Variants in PTBP3 observed in about 807,000 individuals in gnomAD.
PTBP3 encodes polypyrimidine tract-binding protein 3.
Under a neutral mutation model 58.7 loss-of-function variants are expected in PTBP3, and 20 were observed. That is an observed-to-expected ratio of 0.34 (90% CI 0.24 to 0.50). PTBP3 has a LOEUF of 0.50. Ranked by LOEUF, PTBP3 falls within the 20% of genes least tolerant of loss-of-function variation. The probability of loss-of-function intolerance (pLI) is 0.98; values close to 1 mark genes in which losing one functional copy is unlikely to be tolerated. For synonymous variants in PTBP3, 185 were observed against 219.8 expected (o/e 0.84, Z 1.40); for missense variants, 509 against 637.2 (o/e 0.80, Z 2.17).
the PTBP3 span, among the ~76,000 whole-genome samples, chr9:112,340,893 T>C: frequency 1.6e-4 from 12 of 73,634 alleles, no homozygotes; most frequent in Non-Finnish European, 3.4e-4. Flanking sequence ...AAAAAATAAA[T>C]AAAATAAAAT....
intron 1 of PTBP3, among the ~76,000 whole-genome samples, chr9:112,311,619 G>GC (rs372589206): frequency 4.6e-5 from 7 of 151,964 alleles, no homozygotes; most frequent in South Asian, 2.1e-4. Context: ...ATGGATTTTG[G>GC]CCCCCCCTAG....
chr9:112,224,980 G>A (rs1319117417), intron 12 of PTBP3, among the ~76,000 whole-genome samples: 1 of 152,134 alleles, frequency 6.6e-6, no homozygotes, highest in Non-Finnish European at 1.5e-5. Flanking sequence ...GCCTTGCATC[G>A]TGATTACAAC....
rs893546303 is a variant in PTBP3, at chr9:112,259,929, C to T, written c.516+2506G>A. Among the ~76,000 whole-genome samples the T allele has an allele frequency of 3.3e-5, 5 of 152,260 alleles. No individual in the cohort carries two copies. The East Asian group carries it at 9.6e-4, about 29-fold the overall frequency. The stretch of plus-strand genomic sequence containing the variant: ...TAGCATTTGATCATTAGAGCTAATA[C>T]TTCTTGGGCACTTAGATGGAGTCTT... On this transcript the variant is annotated intron_variant, in intron 5 of 13. Coordinates refer to ENST00000374257, the MANE Select transcript of PTBP3 (RefSeq NM_001163788.4).
chr9:112,367,042 T>C, the PTBP3 span, among the ~76,000 whole-genome samples: 2 of 152,230 alleles, frequency 1.3e-5, no homozygotes, highest in Non-Finnish European at 2.9e-5. Context: ...GTGGTTACCA[T>C]GAGCCTAACA....
chr9:112,269,558 T>C (rs1827279347), intron 3 of PTBP3, among the ~76,000 whole-genome samples: 2 of 152,204 alleles, frequency 1.3e-5, no homozygotes. Context: ...TTAAAATCTA[T>C]GCCTGGCTAT....
intron 7 of PTBP3, among the ~76,000 whole-genome samples, chr9:112,247,584 G>A (rs1564403257): frequency 6.6e-6 from 1 of 151,518 alleles, no homozygotes; most frequent in Non-Finnish European, 1.5e-5. Context: ...CAGATTTAGT[G>A]TTGTTCACCT....
chr9:112,277,886 C>A (rs1589856036), intron 2 of PTBP3, among the ~76,000 whole-genome samples: 4 of 26,962 alleles, frequency 1.5e-4, no homozygotes, highest in East Asian at 7.5e-4. Flanking sequence ...AATAACGTAA[C>A]ATAACATAAC....
Position 112,250,861 on chromosome 9 carries a change from C to A in PTBP3, c.802+68G>T, listed in dbSNP as rs184033488. On this transcript the variant is annotated intron_variant, in intron 7 of 13. Coordinates refer to ENST00000374257, the MANE Select transcript of PTBP3 (RefSeq NM_001163788.4). Reference sequence around the variant, plus strand: ...GAGAAGAAAAAGGCTTATAAACATACATGGCTTAATAAATGAAACTTGTAA... The same window carrying A: ...GAGAAGAAAAAGGCTTATAAACATAAATGGCTTAATAAATGAAACTTGTAA... The A allele has an allele frequency of 3.6e-5, 50 of 1,385,800 alleles. No individual in the cohort carries two copies. In the African/African-American group the frequency reaches 7.1e-4, roughly 20 times the overall value. The allele number at this position is 1,385,800 out of a possible 1,614,324, so 85.8% of individuals were successfully genotyped here.
At chr9:112,308,797 C>A (rs1473992549) in intron 1 of PTBP3, among the ~76,000 whole-genome samples, 1 of 151,962 alleles carries the variant, frequency 6.6e-6, no homozygotes, top group Non-Finnish European at 1.5e-5. Context: ...AAACACACAG[C>A]AAATTTACAT....
chr9:112,260,342 G>A (rs1836543117), intron 5 of PTBP3, among the ~76,000 whole-genome samples: 1 of 152,208 alleles, frequency 6.6e-6, no homozygotes, highest in Admixed American at 6.5e-5. Context: ...AAAAATAGAA[G>A]GGGTAAGTTA....
At chr9:112,324,863 CAT>C (rs1166433589) in intron 1 of PTBP3, among the ~76,000 whole-genome samples, 4 of 152,096 alleles carry the variant, frequency 2.6e-5, no homozygotes, top group Admixed American at 1.3e-4. Flanking sequence ...TTGGCTGACA[CAT>C]GAGGCAAATG....
chr9:112,293,959 G>A (rs768682791), intron 2 of PTBP3, among the ~76,000 whole-genome samples: 10 of 152,200 alleles, frequency 6.6e-5, no homozygotes, highest in Non-Finnish European at 1.2e-4. Context: ...TTTTAGGTCT[G>A]TATTACGGTT....
intron 7 of PTBP3, among the ~76,000 whole-genome samples, chr9:112,246,415 A>T (rs1835877810): frequency 6.6e-6 from 1 of 152,036 alleles, no homozygotes; most frequent in Admixed American, 6.6e-5. Context: ...AAAAGGTAGG[A>T]CAGGCGCGGT....
intron 8 of PTBP3, among the ~76,000 whole-genome samples, chr9:112,233,139 T>C (rs1298267365): frequency 2.6e-5 from 4 of 152,078 alleles, no homozygotes; most frequent in African/African-American, 9.7e-5. Flanking sequence ...GGCTGAATAC[T>C]ACTGCACGAA....
chr9:112,276,524 T>A (rs1382203800), intron 2 of PTBP3, among the ~76,000 whole-genome samples: 1 of 152,104 alleles, frequency 6.6e-6, no homozygotes, highest in Admixed American at 6.5e-5. Context: ...ATAGTCTTTA[T>A]TTTTTAGAAG....
At chr9:112,326,025 C>CAAAG (rs1830143287) in intron 1 of PTBP3, among the ~76,000 whole-genome samples, 1 of 151,538 alleles carries the variant, frequency 6.6e-6, no homozygotes, top group Admixed American at 6.6e-5. Context: ...CTCAAACAAA[C>CAAAG]AAAACAGGTA....
At chr9:112,264,297 T>C (rs1357548877) in intron 4 of PTBP3, among the ~76,000 whole-genome samples, 3 of 152,224 alleles carry the variant, frequency 2.0e-5, no homozygotes, top group African/African-American at 7.2e-5. Flanking sequence ...AATCCTTCTA[T>C]GGTCATCTCA....
At chr9:112,314,831 CA>C (rs1293858546) in intron 1 of PTBP3, among the ~76,000 whole-genome samples, 3 of 150,150 alleles carry the variant, frequency 2.0e-5, no homozygotes, top group African/African-American at 7.4e-5. Flanking sequence ...GTCCCACTGA[CA>C]TTTTTTTTTT....
chr9:112,353,558 T>A, the PTBP3 span, among the ~76,000 whole-genome samples: 1 of 152,070 alleles, frequency 6.6e-6, no homozygotes, highest in Admixed American at 6.6e-5. Context: ...TTTTCCTTTT[T>A]TTCCCCTCTT....
Sources: allele counts gnomAD v4.1 joint callset (sites outside exome capture counted in the v4.1 genomes callset), GRCh38; gene constraint gnomAD v4.1.1; transcripts MANE v1.5; gene names NCBI Gene and HGNC (gene_info 2026-07-23, HGNC 2026-07-21).